Variants in ALKBH6 observed in about 807,000 individuals in gnomAD.
ALKBH6 encodes the protein probable RNA/DNA demethylase ALKBH6.
ALKBH6 carries 20 observed loss-of-function variants against 25.1 expected under a neutral mutation model. The ratio of observed to expected loss-of-function variants is 0.80; its 90% CI spans 0.56 to 1.16. ALKBH6 has a LOEUF of 1.16. Among genes scored for constraint, ALKBH6 ranks in the 50% most tolerant of loss-of-function variants. The pLI, the probability that ALKBH6 is intolerant of heterozygous loss-of-function variation, is 0.00. For missense variants in ALKBH6, 263 were observed against 326.5 expected, an observed-to-expected ratio of 0.81 and a Z score of 1.50; for synonymous variants, 156 against 147.5, an observed-to-expected ratio of 1.06 and a Z score of -0.42.
In ALKBH6 at chr19:36,010,656, G is replaced by A. The variant is rs779889368; in HGVS notation, c.364C>T (p.Pro122Ser). 3.1e-6 allele frequency: 5 copies of A among 1,614,046 alleles called. No individual in the cohort carries two copies. Among genetic ancestry groups the A allele is most frequent in the Non-Finnish European group, 4.2e-6 (5 of 1,179,940 alleles). Residue 122 changes from proline (P) to serine (S), a missense_variant, in exon 6 of 7, where the codon CCG becomes TCG. Physicochemically the swap from Pro to Ser is moderately conservative, Grantham distance 74. Around this residue, in one of 3 missense-constraint regions of ALKBH6, gnomAD observed 112 missense variants for 153.0 expected, o/e 0.73. Coordinates refer to ENST00000378875, the MANE Select transcript of ALKBH6 (RefSeq NM_032878.5). The surrounding 1 kb of genome is among the most constrained non-coding windows in gnomAD (Gnocchi z 5.5). Reference sequence around the variant, plus strand: ...CCCAGGCTGATGGTGCTGACAGTCGGGTAGTACAGTGGTCCGTCCTCGTGG... The same window carrying A: ...CCCAGGCTGATGGTGCTGACAGTCGAGTAGTACAGTGGTCCGTCCTCGTGG... Reference protein sequence around the residue: ...MPHEDGPLYYPTVSTISLGSH... With the variant: ...MPHEDGPLYYSTVSTISLGSH...
chr19:36,010,775 G>A lies in ALKBH6; in HGVS notation c.337-92C>T, dbSNP rs980983323. 4.0e-5 allele frequency: 62 copies of A among 1,560,722 alleles called. No individual in the cohort carries two copies. Among genetic ancestry groups the A allele is most frequent in the Admixed American group, 6.7e-5 (4 of 59,628 alleles). On this transcript the variant is annotated intron_variant, in intron 5 of 6. Transcript: ENST00000378875. The surrounding 1 kb of genome is among the most constrained non-coding windows in gnomAD (Gnocchi z 5.5). ...GGGCTTCCCAAGCCAGGGACAGGGA[G>A]GTGAATGCCTGTTTGGGAGATGTGG... is the stretch of plus-strand genomic sequence containing the variant.
rs747905484 is a variant in ALKBH6 at position 36,014,181 on chromosome 19, C to T, written c.-32G>A. 5.0e-6 allele frequency: 8 copies of T among 1,612,170 alleles called. No individual in the cohort carries two copies. The highest frequency in any genetic ancestry group is 6.8e-6 in the Non-Finnish European group (8 of 1,179,098). On this transcript the variant is annotated 5_prime_UTR_variant, in exon 1 of 7. It adds an upstream start codon to the 5' untranslated region. Transcript: ENST00000378875. ...AGCACTCCCCAAAACTGACCGTCCA[C>T]CAGCGTCCCCTCCAATTTCCAAATT...
At chr19:36,009,605 T>TGGTTGCTGGGGGGGGGGGGGGGG in intron 6 of ALKBH6, 52 bp from the exon 7 acceptor site, 2 of 132,198 alleles carry the variant, frequency 1.5e-5, no homozygotes, top group Non-Finnish European at 2.4e-5. Flanking sequence ...GGGGTGGGGG[T>TGGTTGCTGGGGGGGGGGGGGGGG]GGGCGAGAGG....
At position 36,013,161 on chromosome 19, in the gene ALKBH6, C is replaced by T. The variant is rs1968663503; in HGVS notation, c.55-72G>A. Reference sequence around the variant, plus strand: ...GAGGACATATCATCACAGAGCAACCCCTATGCCTGGAGACAGGCTCAGGAT... The same window carrying T: ...GAGGACATATCATCACAGAGCAACCTCTATGCCTGGAGACAGGCTCAGGAT... On this transcript the variant is annotated intron_variant, in intron 2 of 6. Transcript: ENST00000378875. This position sits in a 1 kb window ranked among gnomAD's most constrained non-coding sequence, Gnocchi z 4.6. The T allele has an allele frequency of 3.1e-5, 47 of 1,511,466 alleles. No individual in the cohort carries two copies. The highest frequency in any genetic ancestry group is 4.3e-5 in the Non-Finnish European group (47 of 1,088,484). 93.6% of individuals were successfully genotyped at this position (1,511,466 alleles called of 1,614,324 possible).
rs767723178 is a variant in ALKBH6 at position 36,013,382 on chromosome 19, C to G, written c.16G>C (p.Ala6Pro). Residue 6 changes from alanine (A) to proline (P), a missense_variant, in exon 2 of 7, where the codon GCC becomes CCC. By Grantham distance (27) the Ala-to-Pro change is conservative (BLOSUM62 -1). This residue lies in a region of ALKBH6 where 112 missense variants were observed against 153.0 expected (regional missense o/e 0.73). Transcript: ENST00000378875. The surrounding 1 kb of genome is among the most constrained non-coding windows in gnomAD (Gnocchi z 4.6). ...AACGGTTCCAGGGCTGGGACTCTGG[C>G]GTCCTGCTCCTCCATCAACACCAAC... MEEQD[A>P]RVPALEPFRV... The G allele has an allele frequency of 1.9e-6, 3 of 1,613,966 alleles. No individual in the cohort carries two copies. In the South Asian group the frequency reaches 3.3e-5, roughly 18 times the overall value.
At position 36,009,186 on chromosome 19, in the gene ALKBH6, A is replaced by G. The variant is rs1052004366; in HGVS notation, c.*104T>C. On this transcript the variant is annotated 3_prime_UTR_variant, in exon 7 of 7. Transcript: ENST00000378875. ...TCACACAAAATTATTGGGAAAATAA[A>G]TAACCCAGGGGAGCCCCCTTTGCCC... 31 of 1,214,278 alleles carry G rather than the reference A, an allele frequency of 2.6e-5. No homozygotes were observed. The highest frequency in any genetic ancestry group is 3.1e-5 in the Non-Finnish European group (30 of 972,760). 75.2% of individuals were successfully genotyped at this position (1,214,278 alleles called of 1,614,324 possible).
chr19:36,012,852 AAGCT>A, intron 3 of ALKBH6, 165 bp downstream of exon 3: 1 of 681,666 alleles, frequency 1.5e-6, no homozygotes, highest in East Asian at 2.6e-5. Context: ...CCTATTCTCT[AAGCT>A]AGCAGGATTG....
At chr19:36,012,210 G>C (rs1259070134) in intron 3 of ALKBH6, 1 of 152,236 alleles carries the variant, frequency 6.6e-6, no homozygotes, top group African/African-American at 2.4e-5. Flanking sequence ...AGGACAGTTT[G>C]AGTTCTGCAA....
rs1387184101 is a variant in ALKBH6 at position 36,009,407 on chromosome 19, A to C, written c.600T>G (p.Asn200Lys). ...DALDAASSPPNAAACPSARPG... is the reference protein window; with the variant it reads ...DALDAASSPPKAAACPSARPG... ...GCCGCGCCGACGGGCAGGCTGCCGCATTGGGCGGCGAGGAGGCGGCGTCCA... is the reference window on the plus strand; with the variant it reads ...GCCGCGCCGACGGGCAGGCTGCCGCCTTGGGCGGCGAGGAGGCGGCGTCCA... The change falls in exon 7 of 7, where the codon AAT (asparagine) becomes AAG (lysine). Residue 200 changes from asparagine (N) to lysine (K), a missense_variant. Coordinates refer to ENST00000378875, the MANE Select transcript of ALKBH6 (RefSeq NM_032878.5). The C allele has an allele frequency of 2.1e-5, 26 of 1,249,626 alleles. No individual in the cohort carries two copies. The highest frequency in any genetic ancestry group is 1.0e-6 in the Non-Finnish European group (1 of 998,556). 77.4% of individuals were successfully genotyped at this position (1,249,626 alleles called of 1,614,324 possible).
chr19:36,011,601 G>A, intron 3 of ALKBH6, 137 bp from the exon 4 acceptor site: 1 of 928,474 alleles, frequency 1.1e-6, no homozygotes, highest in South Asian at 1.6e-5. Flanking sequence ...CTGGGGCGGT[G>A]GGTTCCTAGG....
In ALKBH6 at chr19:36,010,631, C is replaced by T; in HGVS notation, c.389G>A (p.Gly130Asp). 6.2e-7 allele frequency: 1 copy of T among 1,613,998 alleles called. No individual in the cohort carries two copies. The highest frequency in any genetic ancestry group is 8.5e-7 in the Non-Finnish European group (1 of 1,179,940). ...YYPTVSTISL[G>D]SHTVLDFYEP... The stretch of plus-strand genomic sequence containing the variant: ...GTAGAAGTCCAGCACGGTGTGGGAG[C>T]CCAGGCTGATGGTGCTGACAGTCGG... The change falls in exon 6 of 7, where the codon GGC becomes GAC. Residue 130 changes from glycine to aspartate, a missense_variant. Physicochemically the swap from Gly to Asp is moderately conservative, Grantham distance 94. Coordinates refer to ENST00000378875, the MANE Select transcript of ALKBH6 (RefSeq NM_032878.5). The surrounding 1 kb of genome is among the most constrained non-coding windows in gnomAD (Gnocchi z 5.5).
intron 3 of ALKBH6, 120 bp from the exon 4 acceptor site, chr19:36,011,584 C>T: frequency 4.5e-6 from 5 of 1,120,080 alleles, no homozygotes; most frequent in Non-Finnish European, 6.5e-6. Flanking sequence ...GTCTGTGGGA[C>T]CATTCCCTGG....
Position 36,013,811 on chromosome 19 carries a change from T to A in ALKBH6, c.-26+364A>T. The A allele has an allele frequency of 7.8e-7, 1 of 1,279,068 alleles. No homozygotes were observed. The highest frequency in any genetic ancestry group is 9.9e-7 in the Non-Finnish European group (1 of 1,011,840). The allele number at this position is 1,279,068 out of a possible 1,614,324, so 79.2% of individuals were successfully genotyped here. The stretch of plus-strand genomic sequence containing the variant: ...TGAGACCCCGCTTCAGACCTGCAAC[T>A]GTGAGCCCGGCTATCAACACTCAGC... On this transcript the variant is annotated intron_variant, in intron 1 of 6. Coordinates refer to ENST00000378875, the MANE Select transcript of ALKBH6 (RefSeq NM_032878.5). The surrounding 1 kb of genome is among the most constrained non-coding windows in gnomAD (Gnocchi z 4.6).
At position 36,009,400 on chromosome 19, in the gene ALKBH6, C is replaced by G; in HGVS notation, c.607G>C (p.Ala203Pro). The G allele has an allele frequency of 8.0e-7, 1 of 1,251,260 alleles. No homozygotes were observed. The allele number at this position is 1,251,260 out of a possible 1,614,324, so 77.5% of individuals were successfully genotyped here. A position where few individuals can be genotyped will look rare whatever the true frequency, so the allele number is the denominator to read the frequency against. ...DAASSPPNAA[A>P]CPSARPGACL... ...GCTCCCGGCCGCGCCGACGGGCAGG[C>G]TGCCGCATTGGGCGGCGAGGAGGCG... is the stretch of plus-strand genomic sequence containing the variant. The change falls in exon 7 of 7, where the codon GCC becomes CCC. Residue 203 changes from alanine to proline, a missense_variant. Physicochemically the swap from Ala to Pro is conservative, Grantham distance 27. Coordinates refer to ENST00000378875, the MANE Select transcript of ALKBH6 (RefSeq NM_032878.5).
chr19:36,013,248 C>G lies in ALKBH6; in HGVS notation c.54+96G>C, dbSNP rs1390457837. ...AGTGCCATTCCAGAATGGACTCTGACAGTAAGAATGAATTTGGTGGAAGGG... is the reference window on the plus strand; with the variant it reads ...AGTGCCATTCCAGAATGGACTCTGAGAGTAAGAATGAATTTGGTGGAAGGG... On this transcript the variant is annotated intron_variant, in intron 2 of 6. Transcript: ENST00000378875. This position sits in a 1 kb window ranked among gnomAD's most constrained non-coding sequence, Gnocchi z 4.6. 9 of 1,528,558 alleles carry G rather than the reference C, an allele frequency of 5.9e-6. No individual in the cohort carries two copies. Among genetic ancestry groups the G allele is most frequent in the Non-Finnish European group, 7.2e-6 (8 of 1,105,720 alleles). The allele number at this position is 1,528,558 out of a possible 1,614,324, so 94.7% of individuals were successfully genotyped here.
At chr19:36,011,700 C>T in intron 3 of ALKBH6, 1 of 476,022 alleles carries the variant, frequency 2.1e-6, no homozygotes, top group Non-Finnish European at 3.8e-6. Context: ...GGCTGCACAA[C>T]CGTGGTCTGA....
At position 36,013,214 on chromosome 19, in the gene ALKBH6, C is replaced by A; in HGVS notation, c.55-125G>T. On this transcript the variant is annotated intron_variant, in intron 2 of 6. Coordinates refer to ENST00000378875, the MANE Select transcript of ALKBH6 (RefSeq NM_032878.5). This position sits in a 1 kb window ranked among gnomAD's most constrained non-coding sequence, Gnocchi z 4.6. ...CCTCAGACAGGTCAGGGTCTAAAGT[C>A]AAGGGACCAGTGCCATTCCAGAATG... 1.4e-6 allele frequency: 2 copies of A among 1,459,960 alleles called. No individual in the cohort carries two copies. The highest frequency in any genetic ancestry group is 1.2e-5 in the South Asian group (1 of 85,522). 90.4% of individuals were successfully genotyped at this position (1,459,960 alleles called of 1,614,324 possible).
chr19:36,013,705 T>TTTTTTTTTTTAATGATAC lies in ALKBH6; in HGVS notation c.-25-284_-25-283insGTATCATTAAAAAAAAAA. The TTTTTTTTTTTAATGATAC allele has an allele frequency of 7.7e-7, 1 of 1,301,950 alleles. No homozygotes were observed. Among genetic ancestry groups the TTTTTTTTTTTAATGATAC allele is most frequent in the Non-Finnish European group, 9.8e-7 (1 of 1,021,092 alleles). The allele number at this position is 1,301,950 out of a possible 1,614,324, so 80.6% of individuals were successfully genotyped here. A position where few individuals can be genotyped will look rare whatever the true frequency, so the allele number is the denominator to read the frequency against. ...CAATCCTCCCACAGAGAACATTCTC[T>TTTTTTTTTTTAATGATAC]GGCCCCACACACAGGGAGCCTTTCT... On this transcript the variant is annotated intron_variant, in intron 1 of 6. Coordinates refer to ENST00000378875, the MANE Select transcript of ALKBH6 (RefSeq NM_032878.5). This position sits in a 1 kb window ranked among gnomAD's most constrained non-coding sequence, Gnocchi z 4.6.
chr19:36,013,943 C>A lies in ALKBH6; in HGVS notation c.-26+232G>T. 1 of 1,377,738 alleles carries A rather than the reference C, an allele frequency of 7.3e-7. No homozygotes were observed. Among genetic ancestry groups the A allele is most frequent in the South Asian group, 1.7e-5 (1 of 59,024 alleles). The allele number at this position is 1,377,738 out of a possible 1,614,324, so 85.3% of individuals were successfully genotyped here. A position where few individuals can be genotyped will look rare whatever the true frequency, so the allele number is the denominator to read the frequency against. The stretch of plus-strand genomic sequence containing the variant: ...CTCCTCGGATCCCCCCATTTGGACG[C>A]CCCTCGGATTTCCCCTCCTGAGCGC... On this transcript the variant is annotated intron_variant, in intron 1 of 6. Transcript: ENST00000378875. The surrounding 1 kb of genome is among the most constrained non-coding windows in gnomAD (Gnocchi z 4.6).
Sources: allele counts gnomAD v4.1 joint callset, GRCh38; gene constraint gnomAD v4.1.1; regional missense constraint gnomAD v4.1.1; non-coding constraint Gnocchi (gnomAD v3.1); transcripts MANE v1.5; gene names NCBI Gene and HGNC (gene_info 2026-07-23, HGNC 2026-07-21).